Variants in GTF2IRD1 observed in about 807,000 individuals in gnomAD.
The protein encoded by GTF2IRD1 is general transcription factor II-I repeat domain-containing protein 1.
GTF2IRD1 carries 26 observed loss-of-function variants against 113.2 expected under a neutral mutation model. The observed-to-expected ratio is 0.23, with a 90% CI of 0.17 to 0.32. The LOEUF (loss-of-function observed/expected upper bound fraction) is 0.32, where lower values mean the gene tolerates loss of function less well. Ranked by LOEUF, GTF2IRD1 falls within the 10% of genes least tolerant of loss-of-function variation. The pLI is 1.00. For missense variants in GTF2IRD1, 864 were observed against 1,280.8 expected, an observed-to-expected ratio of 0.67 and a Z score of 4.97; for synonymous variants, 484 against 529.1, an observed-to-expected ratio of 0.91 and a Z score of 1.17.
intron 16 of GTF2IRD1, among the ~76,000 whole-genome samples, chr7:74,546,066 T>C (rs1311002052): frequency 1.3e-5 from 2 of 151,976 alleles, no homozygotes; most frequent in African/African-American, 4.8e-5. Flanking sequence ...CTCCCTCCCC[T>C]GTAATGTCGC....
At chr7:74,505,025 A>AT (rs1320401155) in intron 1 of GTF2IRD1, among the ~76,000 whole-genome samples, 15 of 150,354 alleles carry the variant, frequency 1.0e-4, no homozygotes, top group African/African-American at 3.7e-4. Context: ...CAGAATTTTT[A>AT]TTTTTTATTT....
chr7:74,480,211 A>T (rs1479198165), intron 1 of GTF2IRD1, among the ~76,000 whole-genome samples: 1 of 151,636 alleles, frequency 6.6e-6, no homozygotes, highest in Non-Finnish European at 1.5e-5. Flanking sequence ...GGAATCCTTC[A>T]AGGGCAGGAG....
At chr7:74,514,459 C>A (rs1403099319) in intron 3 of GTF2IRD1, among the ~76,000 whole-genome samples, 1 of 152,142 alleles carries the variant, frequency 6.6e-6, no homozygotes, top group Non-Finnish European at 1.5e-5. Flanking sequence ...CGCAGAGCCG[C>A]TATTTATAGC....
At chr7:74,469,412 C>T (rs1554331808) in intron 1 of GTF2IRD1, among the ~76,000 whole-genome samples, 1 of 151,998 alleles carries the variant, frequency 6.6e-6, no homozygotes, top group Admixed American at 6.6e-5. Flanking sequence ...GAATCTCCCC[C>T]CATTAAGCAG....
chr7:74,585,152 G>A lies in GTF2IRD1; in HGVS notation c.2321-4699G>A, dbSNP rs1361096699. 2.4e-4 allele frequency among the ~76,000 whole-genome samples: 32 copies of A among 136,118 alleles called. 1 individual carries two copies. Among genetic ancestry groups the A allele is most frequent in the East Asian group, 1.8e-3 (8 of 4,564 alleles). 89.3% of individuals were successfully genotyped at this position (136,118 alleles called of 152,430 possible). A position where few individuals can be genotyped will look rare whatever the true frequency, so the allele number is the denominator to read the frequency against. The stretch of plus-strand genomic sequence containing the variant: ...TTTTGAGACGGAGTCTTGCTCTGTC[G>A]CCTAGGCTGGAGTGCAGTGGCGCAA... On this transcript the variant is annotated intron_variant, in intron 22 of 26. Transcript: ENST00000424337.
chr7:74,550,293 T>G (rs1264438021), intron 17 of GTF2IRD1, among the ~76,000 whole-genome samples: 4 of 152,182 alleles, frequency 2.6e-5, no homozygotes, highest in African/African-American at 9.7e-5. Flanking sequence ...GAAATAAAGA[T>G]TCACAAGAGA....
At chr7:74,577,871 T>A (rs1428791200) in intron 22 of GTF2IRD1, among the ~76,000 whole-genome samples, 1 of 152,088 alleles carries the variant, frequency 6.6e-6, no homozygotes, top group Non-Finnish European at 1.5e-5. Flanking sequence ...AGTGACACTA[T>A]CACATAGCTC....
intron 1 of GTF2IRD1, among the ~76,000 whole-genome samples, chr7:74,457,639 T>C (rs1259506611): frequency 6.6e-6 from 1 of 152,106 alleles, no homozygotes; most frequent in Non-Finnish European, 1.5e-5. Context: ...CCCAATGTCA[T>C]CCTCTCTGTA....
At position 74,524,082 on chromosome 7, in the gene GTF2IRD1, G is replaced by A. The variant is rs587659375; in HGVS notation, c.1018G>A (p.Ala340Thr). 88 of 1,611,120 alleles carry A rather than the reference G, an allele frequency of 5.5e-5. No individual in the cohort carries two copies. Among genetic ancestry groups the A allele is most frequent in the Admixed American group, 2.0e-4 (12 of 59,776 alleles). The change falls in exon 8 of 27, where the codon GCC becomes ACC. Residue 340 changes from alanine (A) to threonine (T), a missense_variant. Physicochemically the swap from Ala to Thr is moderately conservative, Grantham distance 58. Coordinates refer to ENST00000424337, the MANE Select transcript of GTF2IRD1 (RefSeq NM_005685.4). ...IVHDKSEKWD[A>T]FIKETEDINT... ...CTGTGTTTTGATAGAGAAGTGGGAC[G>A]CCTTCATAAAGGAAACCGAGGACAT...
intron 22 of GTF2IRD1, among the ~76,000 whole-genome samples, chr7:74,570,104 G>A (rs1412918474): frequency 1.3e-5 from 2 of 152,156 alleles, no homozygotes; most frequent in Non-Finnish European, 2.9e-5. Context: ...GGCTCAGCCT[G>A]TAATCCCAGG....
chr7:74,468,680 GT>G, intron 1 of GTF2IRD1, among the ~76,000 whole-genome samples: 1 of 32,140 alleles, frequency 3.1e-5, no homozygotes. Flanking sequence ...AAAAAACTGT[GT>G]GTGTGTGTGT....
intron 22 of GTF2IRD1, among the ~76,000 whole-genome samples, chr7:74,562,741 G>C (rs1800055861): frequency 1.3e-5 from 2 of 151,570 alleles, no homozygotes; most frequent in South Asian, 4.2e-4. Flanking sequence ...CTAAATTTTT[G>C]TATTTGTAGG....
chr7:74,549,985 C>A (rs782645174), intron 17 of GTF2IRD1, among the ~76,000 whole-genome samples: 2 of 151,590 alleles, frequency 1.3e-5, no homozygotes, highest in Non-Finnish European at 2.9e-5. Context: ...TGCAGTGAGC[C>A]GAGATCACGC....
At chr7:74,515,046 G>C (rs1380039331) in intron 3 of GTF2IRD1, among the ~76,000 whole-genome samples, 1 of 121,236 alleles carries the variant, frequency 8.2e-6, no homozygotes, top group Non-Finnish European at 1.6e-5. Flanking sequence ...AACAGAGCGA[G>C]ACTCTGTCTC....
chr7:74,555,459 T>C lies in GTF2IRD1; in HGVS notation c.1988T>C (p.Leu663Pro), dbSNP rs782723402. 2 of 1,613,330 alleles carry C rather than the reference T, an allele frequency of 1.2e-6. No homozygotes were observed. Among genetic ancestry groups the C allele is most frequent in the South Asian group, 1.1e-5 (1 of 91,046 alleles). Residue 663 changes from leucine to proline, a missense_variant, in exon 19 of 27, where the codon CTG (leucine) becomes CCG (proline). This residue lies in a region of GTF2IRD1 where 195 missense variants were observed against 359.1 expected (regional missense o/e 0.54). Transcript: ENST00000424337. The surrounding 1 kb of genome is among the most constrained non-coding windows in gnomAD (Gnocchi z 5.3). ...DSQERDSGDP[L>P]VDESLKRQGF... is the part of the protein sequence containing the mutation. ...CCAGAGAGGGATTCCGGGGACCCTC[T>C]GGTGGACGAGAGCCTGAAGAGACAG...
intron 1 of GTF2IRD1, among the ~76,000 whole-genome samples, chr7:74,462,238 G>A (rs1793420163): frequency 6.6e-6 from 1 of 151,778 alleles, no homozygotes; most frequent in African/African-American, 2.4e-5. Context: ...GTGTGGTGAT[G>A]TGTGCCTGTA....
chr7:74,571,163 T>C (rs782404705), intron 22 of GTF2IRD1: 31 of 972,472 alleles, frequency 3.2e-5, no homozygotes, highest in African/African-American at 3.5e-5. Flanking sequence ...GCCAACTTCC[T>C]GTGTGACTCC....
chr7:74,492,387 G>T (rs1795412367), intron 1 of GTF2IRD1, among the ~76,000 whole-genome samples: 1 of 151,762 alleles, frequency 6.6e-6, no homozygotes, highest in Non-Finnish European at 1.5e-5. Flanking sequence ...AGCCAGGATG[G>T]TCTTGATCTC....
chr7:74,479,746 A>C (rs969276338), intron 1 of GTF2IRD1, among the ~76,000 whole-genome samples: 1 of 148,140 alleles, frequency 6.8e-6, no homozygotes, highest in Non-Finnish European at 1.5e-5. Flanking sequence ...ACATGAGTAC[A>C]TGAATCTTTT....
Sources: gnomAD v4.1 joint callset for allele counts (sites outside exome capture counted in the v4.1 genomes callset) on GRCh38, gnomAD v4.1.1 for gene constraint, gnomAD v4.1.1 regional missense constraint, Gnocchi (gnomAD v3.1) non-coding constraint, MANE v1.5 for transcripts, NCBI Gene and HGNC (gene_info 2026-07-23, HGNC 2026-07-21) for gene names.